Variants in NDUFB7 observed in about 807,000 individuals in gnomAD.
NDUFB7 encodes NADH dehydrogenase [ubiquinone] 1 beta subcomplex subunit 7.
Under a neutral mutation model 14.7 loss-of-function variants are expected in NDUFB7, and 18 were observed. That is an observed-to-expected ratio of 1.22 (90% confidence interval 0.85 to 1.81). The LOEUF is 1.81. Ranked by LOEUF, NDUFB7 falls within the 40% of genes most tolerant of loss-of-function variation. The pLI is 0.00. For synonymous variants in NDUFB7, 86 were observed against 76.1 expected, an observed-to-expected ratio of 1.13 and a Z score of -0.68; for missense variants, 219 against 195.0, an observed-to-expected ratio of 1.12 and a Z score of -0.73.
chr19:14,566,923 G>A lies in NDUFB7; in HGVS notation c.123C>T (p.Ala41=). ...GCGCGTCCATCATCTCCTGCTGTGT[G>A]GCCACCATCTCTGCAGGGAGTGGGC... ...FPERKEREMV[A]TQQEMMDAQL... The change falls in exon 2 of 3, where the codon GCC becomes GCT. Residue 41 remains alanine, a synonymous_variant. Transcript: ENST00000215565. 6.3e-7 allele frequency: 1 copy of A among 1,583,620 alleles called. No homozygotes were observed. The highest frequency in any genetic ancestry group is 8.6e-7 in the Non-Finnish European group (1 of 1,169,472).
In NDUFB7 at chr19:14,567,601, T is replaced by C. The variant is rs543940710; in HGVS notation, c.113-668A>G. ...CTTCAGGAGGGGGCCGATGGGAGCA[T>C]GAGGAATCCTGGACACTCACCCCGG... On this transcript the variant is annotated intron_variant, in intron 1 of 2. Transcript: ENST00000215565. The surrounding 1 kb of genome is among the most constrained non-coding windows in gnomAD (Gnocchi z 5.1). Among the ~76,000 whole-genome samples, 1 of 151,932 alleles carries C rather than the reference T, an allele frequency of 6.6e-6. No homozygotes were observed. Among genetic ancestry groups the C allele is most frequent in the Non-Finnish European group, 1.5e-5 (1 of 67,960 alleles).
rs1391767215 is a variant in NDUFB7 at position 14,566,976 on chromosome 19, A to G, written c.113-43T>C. 4 of 1,527,056 alleles carry G rather than the reference A, an allele frequency of 2.6e-6. No homozygotes were observed. The East Asian group carries it at 9.6e-5, about 37-fold the overall frequency. 94.6% of individuals were successfully genotyped at this position (1,527,056 alleles called of 1,614,324 possible). On this transcript the variant is annotated intron_variant, in intron 1 of 2. Transcript: ENST00000215565. ...GGCTCAACCAGGCTGGAGGCTCCCC[A>G]CCCCAATTCCGGGGATCCCCAGGGG...
chr19:14,569,304 C>G (rs954064492), intron 1 of NDUFB7, among the ~76,000 whole-genome samples: 2 of 152,000 alleles, frequency 1.3e-5, no homozygotes, highest in Non-Finnish European at 2.9e-5. Context: ...CCACCACACC[C>G]AGCTAATTAA....
intron 1 of NDUFB7, among the ~76,000 whole-genome samples, chr19:14,571,669 C>T (rs1037109299): frequency 2.0e-5 from 3 of 152,200 alleles, no homozygotes; most frequent in Non-Finnish European, 2.9e-5. Flanking sequence ...CTTGTCGCCT[C>T]ACTTTTGCTC....
intron 2 of NDUFB7, 103 bp downstream of exon 2, chr19:14,566,652 GGGGCTTGGGC>G: frequency 4.0e-6 from 4 of 987,892 alleles, no homozygotes; most frequent in Non-Finnish European, 5.8e-6. Context: ...GGGTGGGAGG[GGGGCTTGGGC>G]GGGCTGGGCA....
rs1000068699 is a variant in NDUFB7 at position 14,567,207 on chromosome 19, G to A, written c.113-274C>T. Among the ~76,000 whole-genome samples the A allele has an allele frequency of 2.0e-5, 3 of 152,046 alleles. No homozygotes were observed. Among genetic ancestry groups the A allele is most frequent in the Admixed American group, 6.6e-5 (1 of 15,258 alleles). On this transcript the variant is annotated intron_variant, in intron 1 of 2. Coordinates refer to ENST00000215565, the MANE Select transcript of NDUFB7 (RefSeq NM_004146.6). The surrounding 1 kb of genome is among the most constrained non-coding windows in gnomAD (Gnocchi z 5.1). ...CTGAGGCACCTCAACATCCCGTGCC[G>A]GATCCTTGCCTCCCCTCCCACAGGG...
chr19:14,572,037 G>C lies in NDUFB7; in HGVS notation c.-37C>G, dbSNP rs755855447. 1 of 1,501,916 alleles carries C rather than the reference G, an allele frequency of 6.7e-7. No individual in the cohort carries two copies. 93.0% of individuals were successfully genotyped at this position (1,501,916 alleles called of 1,614,324 possible). A position where few individuals can be genotyped will look rare whatever the true frequency, so the allele number is the denominator to read the frequency against. ...CTGCAGATCCCTGCAGCAGCCGAGG[G>C]TCACCTAGCTCCTACCCGGAACCAC... On this transcript the variant is annotated 5_prime_UTR_variant, in exon 1 of 3. Coordinates refer to ENST00000215565, the MANE Select transcript of NDUFB7 (RefSeq NM_004146.6).
At position 14,566,220 on chromosome 19, in the gene NDUFB7, G is replaced by A. The variant is rs751487594; in HGVS notation, c.327C>T (p.Leu109=). 2.5e-6 allele frequency: 4 copies of A among 1,614,082 alleles called. No individual in the cohort carries two copies. In the African/African-American group the frequency reaches 4.0e-5, roughly 16 times the overall value. Residue 109 remains leucine, a synonymous_variant, in exon 3 of 3, where the codon CTC becomes CTT. Coordinates refer to ENST00000215565, the MANE Select transcript of NDUFB7 (RefSeq NM_004146.6). ...MKEFERERRL[L]QRKKRREKKA... is the part of the protein sequence containing the mutation. ...TCTTCTCCCGCCGCTTCTTCCGCTG[G>A]AGCAGCCTCCGCTCCCGCTCAAACT... is the stretch of plus-strand genomic sequence containing the variant.
chr19:14,570,956 G>C, intron 1 of NDUFB7, among the ~76,000 whole-genome samples: 1 of 151,994 alleles, frequency 6.6e-6, no homozygotes, highest in Non-Finnish European at 1.5e-5. Context: ...CCAGGAGTTT[G>C]AGACCAGCCT....
rs372282299 is a variant in NDUFB7, at chr19:14,566,814, G to C, written c.232C>G (p.Leu78Val). 1.5e-5 allele frequency: 24 copies of C among 1,549,016 alleles called. No individual in the cohort carries two copies. The African/African-American group carries it at 2.2e-4, about 14-fold the overall frequency. The change falls in exon 2 of 3, where the codon CTG (leucine) becomes GTG (valine). Residue 78 changes from leucine to valine, a missense_variant. Physicochemically the swap from Leu to Val is conservative, Grantham distance 32 (BLOSUM62 1). Coordinates refer to ENST00000215565, the MANE Select transcript of NDUFB7 (RefSeq NM_004146.6). ...KCKRDSFPNF[L>V]ACKQERHDWD... ...TCGTGCCGCTCCTGCTTGCAGGCCA[G>C]GAAGTTGGGGAAGCTGTCACGCTTG... is the stretch of plus-strand genomic sequence containing the variant.
chr19:14,566,313 C>G, intron 2 of NDUFB7, 48 bp from the exon 3 acceptor site: 8 of 1,611,022 alleles, frequency 5.0e-6, no homozygotes, highest in Non-Finnish European at 6.8e-6. Context: ...GGCCAGGACA[C>G]GCCCCCCAAG....
At position 14,567,974 on chromosome 19, in the gene NDUFB7, C is replaced by T. The variant is rs576711147; in HGVS notation, c.113-1041G>A. On this transcript the variant is annotated intron_variant, in intron 1 of 2. Coordinates refer to ENST00000215565, the MANE Select transcript of NDUFB7 (RefSeq NM_004146.6). This position sits in a 1 kb window ranked among gnomAD's most constrained non-coding sequence, Gnocchi z 5.1. ...TCCCGCTTCCTTCTTTCCTGTGGCT[C>T]CTCCCACATCCCTCCTCCCCAGGTT... 2.0e-3 allele frequency among the ~76,000 whole-genome samples: 305 copies of T among 152,296 alleles called. 2 individuals carry two copies. The highest frequency in any genetic ancestry group is 7.0e-3 in the African/African-American group (293 of 41,576).
chr19:14,569,858 T>C (rs2074115172), intron 1 of NDUFB7, among the ~76,000 whole-genome samples: 1 of 152,200 alleles, frequency 6.6e-6, no homozygotes, highest in South Asian at 2.1e-4. Flanking sequence ...CTCTCTTTGG[T>C]CAACCCCTAC....
chr19:14,566,398 G>A (rs1360509725), intron 2 of NDUFB7, 133 bp from the exon 3 acceptor site: 12 of 1,449,888 alleles, frequency 8.3e-6, no homozygotes, highest in South Asian at 1.3e-5. Flanking sequence ...AGTGCCTGTG[G>A]CTTGGGTCTG....
At chr19:14,569,868 C>G (rs1657340708) in intron 1 of NDUFB7, among the ~76,000 whole-genome samples, 1 of 152,166 alleles carries the variant, frequency 6.6e-6, no homozygotes, top group East Asian at 1.9e-4. Flanking sequence ...TCAACCCCTA[C>G]TCATGCCCCT....
intron 2 of NDUFB7, among the ~76,000 whole-genome samples, 199 bp downstream of exon 2, chr19:14,566,566 T>A (rs1427031751): frequency 1.4e-5 from 2 of 147,344 alleles, no homozygotes; most frequent in East Asian, 2.0e-4. Flanking sequence ...CAGTGGCAGT[T>A]CAGGTCCCTG....
chr19:14,566,195 T>TC lies in NDUFB7; in HGVS notation c.351dup (p.Lys118GlufsTer?). 4.3e-6 allele frequency: 7 copies of TC among 1,613,876 alleles called. No individual in the cohort carries two copies. The highest frequency in any genetic ancestry group is 5.9e-6 in the Non-Finnish European group (7 of 1,179,942). The stretch of plus-strand genomic sequence containing the variant: ...TGGCCTTTGGCCAACTCTGCCGCCT[T>TC]CTTCTCCCGCCGCTTCTTCCGCTGG... On this transcript the variant is annotated frameshift_variant, in exon 3 of 3. Coordinates refer to ENST00000215565, the MANE Select transcript of NDUFB7 (RefSeq NM_004146.6). LOFTEE classifies it high-confidence loss of function.
At position 14,566,237 on chromosome 19, in the gene NDUFB7, G is replaced by A. The variant is rs200292442; in HGVS notation, c.310C>T (p.Arg104Trp). ...TTCCGCTGGAGCAGCCTCCGCTCCC[G>A]CTCAAACTCCTTCATGCGCATCACA... ...DYVMRMKEFERERRLLQRKKR... is the reference protein window; with the variant it reads ...DYVMRMKEFEWERRLLQRKKR... The change falls in exon 3 of 3, where the codon CGG becomes TGG. Residue 104 changes from arginine (R) to tryptophan (W), a missense_variant. Coordinates refer to ENST00000215565, the MANE Select transcript of NDUFB7 (RefSeq NM_004146.6). 3 of 1,614,050 alleles carry A rather than the reference G, an allele frequency of 1.9e-6. No individual in the cohort carries two copies. Among genetic ancestry groups the A allele is most frequent in the South Asian group, 2.2e-5 (2 of 91,088 alleles).
At chr19:14,566,712 G>C (rs1384980239) in intron 2 of NDUFB7, 53 bp downstream of exon 2, 1 of 1,486,146 alleles carries the variant, frequency 6.7e-7, no homozygotes, top group Non-Finnish European at 9.0e-7. Flanking sequence ...GGAAGGCTGG[G>C]GGTATGGGGT....
Sources: gnomAD v4.1 joint callset for allele counts (sites outside exome capture counted in the v4.1 genomes callset) on GRCh38, gnomAD v4.1.1 for gene constraint, Gnocchi (gnomAD v3.1) non-coding constraint, MANE v1.5 for transcripts, NCBI Gene and HGNC (gene_info 2026-07-23, HGNC 2026-07-21) for gene names.